MTRR: variants seen among roughly 807,000 people sequenced by gnomAD.
The protein encoded by MTRR is 5-methyltetrahydrofolate-homocysteine methyltransferase reductase.
Under a neutral mutation model 79.2 loss-of-function variants are expected in MTRR, and 63 were observed. The ratio of observed to expected loss-of-function variants is 0.80; its 90% CI spans 0.65 to 0.98. The LOEUF (loss-of-function observed/expected upper bound fraction) is 0.98. Ranked by LOEUF, MTRR falls within the 50% of genes least tolerant of loss-of-function variation. The pLI is 0.00. For synonymous variants in MTRR, 355 were observed against 313.3 expected, an observed-to-expected ratio of 1.13 and a Z score of -1.41; for missense variants, 895 against 839.6, an observed-to-expected ratio of 1.07 and a Z score of -0.82.
chr5:7,889,803 CTG>C (rs1737243465), intron 9 of MTRR, among the ~76,000 whole-genome samples: 1 of 152,192 alleles, frequency 6.6e-6, no homozygotes, highest in Admixed American at 6.5e-5. Context: ...CAAAAGGGGA[CTG>C]TGTCGTACCA....
chr5:7,854,675 A>G (rs1036734990), intron 1 of MTRR, among the ~76,000 whole-genome samples: 8 of 152,306 alleles, frequency 5.3e-5, no homozygotes, highest in Admixed American at 4.6e-4. Context: ...CCATGATTCA[A>G]GCTATCTCCC....
chr5:7,861,740 C>T (rs774528654), intron 1 of MTRR: 14 of 1,529,180 alleles, frequency 9.2e-6, no homozygotes, highest in Non-Finnish European at 1.2e-5. Flanking sequence ...TGCTTTGATT[C>T]CTTCCACCTT....
intron 11 of MTRR, chr5:7,893,137 G>C: frequency 1.7e-6 from 1 of 586,038 alleles, no homozygotes; most frequent in Non-Finnish European, 3.0e-6. Context: ...ATTTTATATA[G>C]TACGGTCTTT....
upstream of MTRR, among the ~76,000 whole-genome samples, chr5:7,866,433 A>G (rs539318150): frequency 6.6e-6 from 1 of 152,306 alleles, no homozygotes; most frequent in Admixed American, 6.5e-5. Context: ...ATAAGGCAAA[A>G]GTCAGTTTAT....
intron 8 of MTRR, among the ~76,000 whole-genome samples, chr5:7,887,082 G>C (rs907789143): frequency 4.6e-5 from 7 of 152,060 alleles, no homozygotes; most frequent in Admixed American, 3.3e-4. Flanking sequence ...TTCTTTAATT[G>C]GTGACAGAAA....
chr5:7,855,338 A>T (rs1156861415), intron 1 of MTRR, among the ~76,000 whole-genome samples: 1 of 152,000 alleles, frequency 6.6e-6, no homozygotes, highest in Admixed American at 6.5e-5. Context: ...AAAGAAAAAA[A>T]GCTTATCAAT....
intron 12 of MTRR, 53 bp from the exon 13 acceptor site, chr5:7,896,811 G>T (rs964191914): frequency 7.2e-7 from 1 of 1,381,762 alleles, no homozygotes; most frequent in Non-Finnish European, 1.0e-6. Context: ...GAAAGAGATT[G>T]GTTTTACATA....
rs142714881 is a variant in MTRR at position 7,877,988 on chromosome 5, C to T, written c.446C>T (p.Ala149Val). The T allele has an allele frequency of 1.2e-4, 200 of 1,613,524 alleles. No homozygotes were observed. The African/African-American group carries it at 1.7e-3, about 14-fold the overall frequency. ...CCGTGGATTGCTGGACTCTGGCCAG[C>T]CCTCAGAAAGCATTTTAGGTCAAGC... ...VEPWIAGLWP[A>V]LRKHFRSSRG... The change falls in exon 5 of 15, where the codon GCC becomes GTC. Residue 149 changes from alanine (A) to valine (V), a missense_variant. Transcript: ENST00000440940.
intron 3 of MTRR, among the ~76,000 whole-genome samples, chr5:7,873,984 G>T (rs987247952): frequency 6.6e-6 from 1 of 152,198 alleles, no homozygotes; most frequent in African/African-American, 2.4e-5. Context: ...TTAGCTAGGG[G>T]AGTTTTTACT....
In MTRR at chr5:7,889,181, C is replaced by T. The variant is rs752174231; in HGVS notation, c.1233C>T (p.Ala411=). Residue 411 remains alanine, a synonymous_variant, in exon 9 of 15, where the codon GCC becomes GCT. Coordinates refer to ENST00000440940, the MANE Select transcript of MTRR (RefSeq NM_002454.3). ...LQELCSKQGA[A]DYSRFVRDAC... ...AGCTGTGCAGTAAACAAGGGGCAGC[C>T]GATTATAGCCGCTTTGTACGAGATG... 4.5e-5 allele frequency: 73 copies of T among 1,613,870 alleles called. No homozygotes were observed. Among genetic ancestry groups the T allele is most frequent in the Middle Eastern group, 1.7e-4 (1 of 5,976 alleles).
At chr5:7,858,056 G>T (rs1746304667) in intron 1 of MTRR, among the ~76,000 whole-genome samples, 1 of 152,124 alleles carries the variant, frequency 6.6e-6, no homozygotes, top group Non-Finnish European at 1.5e-5. Context: ...TAAACTGAAT[G>T]CTTTTAACCT....
intron 9 of MTRR, among the ~76,000 whole-genome samples, chr5:7,890,947 A>G (rs1579773779): frequency 6.6e-6 from 1 of 152,174 alleles, no homozygotes; most frequent in East Asian, 1.9e-4. Context: ...GTAGCCTTTA[A>G]TCTTTTTGGG....
intron 3 of MTRR, among the ~76,000 whole-genome samples, chr5:7,874,588 CTTTTTTTTTT>C (rs5865743): frequency 9.2e-6 from 1 of 108,216 alleles, no homozygotes; most frequent in African/African-American, 3.6e-5. Flanking sequence ...GGGATTTAAG[CTTTTTTTTTT>C]TTTTTTTTTT....
At chr5:7,893,263 T>C in intron 11 of MTRR, 1 of 280,734 alleles carries the variant, frequency 3.6e-6, no homozygotes. Flanking sequence ...AGAGACAGTC[T>C]CATTTTATGT....
intron 2 of MTRR, among the ~76,000 whole-genome samples, chr5:7,872,553 G>A (rs899649373): frequency 6.6e-6 from 1 of 152,168 alleles, no homozygotes; most frequent in African/African-American, 2.4e-5. Context: ...GGGAATGAGC[G>A]GTTCTTGATA....
intron 10 of MTRR, 110 bp downstream of exon 10, chr5:7,891,524 T>G: frequency 2.3e-6 from 2 of 876,984 alleles, no homozygotes; most frequent in East Asian, 4.9e-5. Context: ...TTACCTGCTT[T>G]ATGGAAGACA....
At chr5:7,874,588 CTTTTTTT>C (rs5865743) in intron 3 of MTRR, among the ~76,000 whole-genome samples, 1 of 108,216 alleles carries the variant, frequency 9.2e-6, no homozygotes, top group Admixed American at 1.0e-4. Context: ...GGGATTTAAG[CTTTTTTT>C]TTTTTTTTTT....
At chr5:7,893,001 C>A in intron 11 of MTRR, 88 bp downstream of exon 11, 1 of 1,407,784 alleles carries the variant, frequency 7.1e-7, no homozygotes, top group Non-Finnish European at 9.8e-7. Flanking sequence ...CCACATCATT[C>A]ATTACTGTCA....
At chr5:7,863,452 C>T (rs1746696899) in intron 2 of MTRR, among the ~76,000 whole-genome samples, 1 of 152,172 alleles carries the variant, frequency 6.6e-6, no homozygotes. Flanking sequence ...CTTTTAAGCA[C>T]AGACAGGCTG....
Sources: gnomAD v4.1 joint callset for allele counts (sites outside exome capture counted in the v4.1 genomes callset) on GRCh38, gnomAD v4.1.1 for gene constraint, MANE v1.5 for transcripts, NCBI Gene and HGNC (gene_info 2026-07-23, HGNC 2026-07-21) for gene names.